NCKAP1L: variants seen among roughly 807,000 people sequenced by gnomAD.
NCKAP1L encodes the protein NCK associated protein 1 like.
NCKAP1L carries 53 observed loss-of-function variants against 139.2 expected under a neutral mutation model. The observed-to-expected ratio is 0.38, with a 90% confidence interval of 0.31 to 0.48. The LOEUF is 0.48. NCKAP1L is among the 20% of genes least tolerant of loss of function. The pLI, the probability that NCKAP1L is intolerant of heterozygous loss-of-function variation, is 0.98. For synonymous variants in NCKAP1L, 468 were observed against 499.7 expected, an observed-to-expected ratio of 0.94 and a Z score of 0.85; for missense variants, 1,151 against 1,381.9, an observed-to-expected ratio of 0.83 and a Z score of 2.65.
Position 54,509,719 on chromosome 12 carries a change from C to G in NCKAP1L, c.557C>G (p.Pro186Arg). ...LGQMVLEYDH[P>R]LKKLTEEFGP... Reference sequence around the variant, plus strand: ...CAGATGGTCTTGGAGTATGACCACCCTCTGAAGAAGCTGACAGAAGAGTTT... The same window carrying G: ...CAGATGGTCTTGGAGTATGACCACCGTCTGAAGAAGCTGACAGAAGAGTTT... Residue 186 changes from proline to arginine, a missense_variant, in exon 6 of 31, where the codon CCT becomes CGT. Transcript: ENST00000293373. 6.2e-7 allele frequency: 1 copy of G among 1,614,180 alleles called. No homozygotes were observed. Among genetic ancestry groups the G allele is most frequent in the East Asian group, 2.2e-5 (1 of 44,884 alleles).
intron 1 of NCKAP1L, chr12:54,498,666 T>C: frequency 2.7e-6 from 1 of 368,016 alleles, no homozygotes; most frequent in Non-Finnish European, 3.8e-6. Flanking sequence ...TGGGATAAGA[T>C]ACTTACATAG....
rs550146219 is a variant in NCKAP1L, at chr12:54,510,662, G to A, written c.735+677G>A. ...GTAGCTGCGACTACAGGCATGTGCCGCCACACCTGGGTAATTTTTTTTTTT... is the reference window on the plus strand; with the variant it reads ...GTAGCTGCGACTACAGGCATGTGCCACCACACCTGGGTAATTTTTTTTTTT... On this transcript the variant is annotated intron_variant, in intron 7 of 30. Coordinates refer to ENST00000293373, the MANE Select transcript of NCKAP1L (RefSeq NM_005337.5). Among the ~76,000 whole-genome samples the A allele has an allele frequency of 2.6e-3, 394 of 150,340 alleles. 2 individuals are homozygous for A. Among genetic ancestry groups the A allele is most frequent in the African/African-American group, 8.5e-3 (347 of 40,974 alleles).
At chr12:54,521,648 A>G (rs1311649017) in intron 18 of NCKAP1L, among the ~76,000 whole-genome samples, 1 of 152,110 alleles carries the variant, frequency 6.6e-6, no homozygotes, top group African/African-American at 2.4e-5. Context: ...CTCTCTGGAC[A>G]TTTTGAAGCA....
chr12:54,531,840 A>AG lies in NCKAP1L; in HGVS notation c.2781+19dup, dbSNP rs1196456760. ...GACTTCGGGAGGTGAGTTGGTGGGG[A>AG]GGGGTCTGTCACAGAGTCACAGATA... On this transcript the variant is annotated intron_variant, in intron 25 of 30. Coordinates refer to ENST00000293373, the MANE Select transcript of NCKAP1L (RefSeq NM_005337.5). 2.5e-6 allele frequency: 4 copies of AG among 1,599,786 alleles called. No homozygotes were observed. The highest frequency in any genetic ancestry group is 3.4e-6 in the Non-Finnish European group (4 of 1,167,616).
At chr12:54,531,713 A>G (rs377368919) in intron 24 of NCKAP1L, 30 bp from the exon 25 acceptor site, 53 of 1,608,276 alleles carry the variant, frequency 3.3e-5, no homozygotes, top group Non-Finnish European at 4.4e-5. Context: ...TCTCTAAATT[A>G]TCTTTTCTAA....
intron 18 of NCKAP1L, among the ~76,000 whole-genome samples, chr12:54,522,741 C>T (rs1956994233): frequency 6.6e-6 from 1 of 152,196 alleles, no homozygotes; most frequent in Admixed American, 6.5e-5. Flanking sequence ...CAGACATGCC[C>T]TGCTCATGCT....
intron 7 of NCKAP1L, among the ~76,000 whole-genome samples, chr12:54,511,534 G>A (rs1322412174): frequency 2.0e-5 from 3 of 152,200 alleles, no homozygotes; most frequent in African/African-American, 7.2e-5. Flanking sequence ...CTCCTCCTGA[G>A]TACCTAGGAC....
In NCKAP1L at chr12:54,528,292, C is replaced by A. The variant is rs1189715455; in HGVS notation, c.2421C>A (p.Ile807=). The A allele has an allele frequency of 6.2e-7, 1 of 1,614,014 alleles. No individual in the cohort carries two copies. Among genetic ancestry groups the A allele is most frequent in the Admixed American group, 1.7e-5 (1 of 60,014 alleles). Residue 807 remains isoleucine, a synonymous_variant, in exon 22 of 31, where the codon ATC becomes ATA. Coordinates refer to ENST00000293373, the MANE Select transcript of NCKAP1L (RefSeq NM_005337.5). ...GACAGGCAAGCAGTGGGACCATCAT[C>A]CTCTCCCCAGCCATGCAGGCCTTCG... is the stretch of plus-strand genomic sequence containing the variant. ...LLRQASSGTI[I]LSPAMQAFVS...
chr12:54,509,718 C>T lies in NCKAP1L; in HGVS notation c.556C>T (p.Pro186Ser). 2 of 1,614,138 alleles carry T rather than the reference C, an allele frequency of 1.2e-6. No individual in the cohort carries two copies. The highest frequency in any genetic ancestry group is 1.7e-6 in the Non-Finnish European group (2 of 1,180,010). ...LGQMVLEYDH[P>S]LKKLTEEFGP... ...TCAGATGGTCTTGGAGTATGACCAC[C>T]CTCTGAAGAAGCTGACAGAAGAGTT... Residue 186 changes from proline to serine, a missense_variant, in exon 6 of 31, where the codon CCT becomes TCT. Physicochemically the swap from Pro to Ser is moderately conservative, Grantham distance 74. Transcript: ENST00000293373.
At chr12:54,519,371 T>C (rs756494553) in intron 16 of NCKAP1L, 39 bp downstream of exon 16, 39 of 1,402,760 alleles carry the variant, frequency 2.8e-5, no homozygotes, top group Non-Finnish European at 3.5e-5. Flanking sequence ...AAAGTTTTAT[T>C]GTTTCCTTTT....
chr12:54,500,366 C>T (rs765995745), intron 2 of NCKAP1L, among the ~76,000 whole-genome samples, 167 bp from the exon 3 acceptor site: 2 of 152,126 alleles, frequency 1.3e-5, no homozygotes, highest in East Asian at 1.9e-4. Context: ...TCAGGTGATC[C>T]GCCTGCCTCG....
chr12:54,536,245 G>GGTA lies in NCKAP1L; in HGVS notation c.3073+1_3073+3dup. On this transcript the variant is annotated inframe_insertion and splice_region_variant. Coordinates refer to ENST00000293373, the MANE Select transcript of NCKAP1L (RefSeq NM_005337.5). ...TTCCTTTTATAGCATTGAGAAGGAT[G>GGTA]GTAAGTAAGGGGTAGGTTTGAGACA... The GGTA allele has an allele frequency of 1.3e-6, 2 of 1,597,220 alleles. No individual in the cohort carries two copies. The highest frequency in any genetic ancestry group is 8.6e-7 in the Non-Finnish European group (1 of 1,165,650).
At chr12:54,503,377 A>T (rs1309027661) in intron 3 of NCKAP1L, among the ~76,000 whole-genome samples, 1 of 152,172 alleles carries the variant, frequency 6.6e-6, no homozygotes, top group East Asian at 1.9e-4. Context: ...TTAAAAATTA[A>T]TGTCGTAATT....
In NCKAP1L at chr12:54,546,081, G is replaced by C. The variant is rs1957195079; in HGVS notation, c.*3396G>C. The C allele has an allele frequency of 6.6e-6, 1 of 152,212 alleles. No homozygotes were observed. The highest frequency in any genetic ancestry group is 1.5e-5 in the Non-Finnish European group (1 of 68,092). 9.4% of individuals were successfully genotyped at this position (152,212 alleles called of 1,614,324 possible). On this transcript the variant is annotated 3_prime_UTR_variant, in exon 31 of 31. Transcript: ENST00000293373. ...TCTCCAAAAATACAAAAAATTAGCTGGGCATGGTGGCTGTTGTCTGTAATC... is the reference window on the plus strand; with the variant it reads ...TCTCCAAAAATACAAAAAATTAGCTCGGCATGGTGGCTGTTGTCTGTAATC...
In NCKAP1L at chr12:54,519,232, C is replaced by A. The variant is rs370705182; in HGVS notation, c.1525C>A (p.Pro509Thr). 1.9e-6 allele frequency: 3 copies of A among 1,582,784 alleles called. No individual in the cohort carries two copies. Among genetic ancestry groups the A allele is most frequent in the African/African-American group, 1.4e-5 (1 of 72,926 alleles). Residue 509 changes from proline to threonine, a missense_variant, in exon 16 of 31, where the codon CCT (proline) becomes ACT (threonine). Transcript: ENST00000293373. ...GGCCCCTCTGCACCTGCATGAGAAC[C>A]CTGACTTAGCCAAGGTGATGAACCT... is the stretch of plus-strand genomic sequence containing the variant. ...AKAPLHLHEN[P>T]DLAKVMNLIV...
chr12:54,528,216 C>T (rs1424166100), intron 21 of NCKAP1L, 31 bp from the exon 22 acceptor site: 1 of 1,610,552 alleles, frequency 6.2e-7, no homozygotes, highest in East Asian at 2.2e-5. Context: ...GGATTGGATC[C>T]TAATCTATGT....
chr12:54,513,968 A>ATGTGTGTGTG (rs61519403), intron 9 of NCKAP1L, among the ~76,000 whole-genome samples: 27 of 148,806 alleles, frequency 1.8e-4, no homozygotes, highest in East Asian at 6.0e-4. Context: ...CATCCTTCAG[A>ATGTGTGTGTG]TGTGTGTGTG....
At chr12:54,536,754 A>G (rs1163178748) in intron 28 of NCKAP1L, among the ~76,000 whole-genome samples, 190 bp from the exon 29 acceptor site, 1 of 151,584 alleles carries the variant, frequency 6.6e-6, no homozygotes, top group Non-Finnish European at 1.5e-5. Context: ...TGAACTATGC[A>G]TAATTCGATT....
intron 30 of NCKAP1L, among the ~76,000 whole-genome samples, chr12:54,539,920 G>T (rs1215570106): frequency 6.6e-6 from 1 of 152,166 alleles, no homozygotes; most frequent in East Asian, 1.9e-4. Flanking sequence ...AGTGCCCAAG[G>T]GACGTGTGGC....
Sources: allele counts gnomAD v4.1 joint callset (sites outside exome capture counted in the v4.1 genomes callset), GRCh38; gene constraint gnomAD v4.1.1; transcripts MANE v1.5; gene names NCBI Gene and HGNC (gene_info 2026-07-23, HGNC 2026-07-21).